Variants in TUBB8B observed in about 807,000 individuals in gnomAD.
TUBB8B encodes HSA18p11 beta-tubulin 4Q pseudogene.
A neutral mutation model predicts 31.9 loss-of-function variants in TUBB8B; 26 were observed. That is an observed-to-expected ratio of 0.81 (90% CI 0.60 to 1.13). The LOEUF is 1.13. Among genes scored for constraint, TUBB8B ranks in the 50% most tolerant of loss-of-function variants. The pLI, the probability that TUBB8B is intolerant of heterozygous loss-of-function variation, is 0.00. For synonymous variants in TUBB8B, 173 were observed against 231.0 expected (o/e 0.75, Z 2.28); for missense variants, 467 against 586.7 (o/e 0.80, Z 2.11).
chr18:64,690 A>G, the TUBB8B span, among the ~76,000 whole-genome samples: 8 of 152,082 alleles, frequency 5.3e-5, no homozygotes, highest in African/African-American at 1.9e-4. Context: ...GCGCCACTGC[A>G]CTCCACCCTG....
the TUBB8B span, among the ~76,000 whole-genome samples, chr18:63,823 C>A: frequency 6.7e-6 from 1 of 148,844 alleles, no homozygotes. Flanking sequence ...CTAACCCTAA[C>A]CCTAACCCCA....
chr18:63,908 CA>C, the TUBB8B span, among the ~76,000 whole-genome samples: 6 of 149,234 alleles, frequency 4.0e-5, no homozygotes, highest in African/African-American at 1.2e-4. Flanking sequence ...CCCCTAACCC[CA>C]AACCCTAACC....
In TUBB8B at chr18:48,820, C is replaced by T. The variant is rs1337421405; in HGVS notation, c.277+120G>A. On this transcript the variant is annotated intron_variant, in intron 3 of 3. Coordinates refer to ENST00000308911, the MANE Select transcript of TUBB8B (RefSeq NM_001358689.2). ...AGGCAGATGAAGCGACTCGACTCGG[C>T]GGATAGGAGGGTGTTCAGGGGCCCT... 50 of 784,422 alleles carry T rather than the reference C, an allele frequency of 6.4e-5. 1 individual carries two copies. Among genetic ancestry groups the T allele is most frequent in the South Asian group, 6.4e-4 (45 of 70,678 alleles). 48.6% of individuals were successfully genotyped at this position (784,422 alleles called of 1,614,324 possible). A position where few individuals can be genotyped will look rare whatever the true frequency, so the allele number is the denominator to read the frequency against.
upstream of TUBB8B, among the ~76,000 whole-genome samples, chr18:52,283 T>C (rs1337922954): frequency 1.3e-5 from 2 of 151,800 alleles, no homozygotes; most frequent in Non-Finnish European, 2.9e-5. Context: ...TCCAGGCTAC[T>C]GCAAAACGGA....
At position 49,585 on chromosome 18, in the gene TUBB8B, G is replaced by A. The variant is rs530572616; in HGVS notation, c.-28C>T. The A allele has an allele frequency of 5.1e-6, 4 of 778,354 alleles. No individual in the cohort carries two copies. The highest frequency in any genetic ancestry group is 1.7e-5 in the African/African-American group (1 of 57,486). The allele number at this position is 778,354 out of a possible 1,614,324, so 48.2% of individuals were successfully genotyped here. On this transcript the variant is annotated 5_prime_UTR_variant, in exon 1 of 4. Transcript: ENST00000308911. ...CCAAGGCAGGATTAGGGCGGCAGCA[G>A]AAGCGCGAGAAGGAGGAGCAGACGC... is the stretch of plus-strand genomic sequence containing the variant.
the TUBB8B span, among the ~76,000 whole-genome samples, chr18:68,263 C>T: frequency 6.6e-6 from 1 of 152,172 alleles, no homozygotes; most frequent in Admixed American, 6.5e-5. Flanking sequence ...TCAGCAGTTA[C>T]AGCAACTCCA....
the TUBB8B span, among the ~76,000 whole-genome samples, chr18:67,455 C>T: frequency 6.6e-6 from 1 of 152,226 alleles, no homozygotes; most frequent in East Asian, 1.9e-4. Context: ...ATCCTCCCAC[C>T]TCAGTCTCTA....
chr18:63,937 C>G, the TUBB8B span, among the ~76,000 whole-genome samples: 1 of 150,406 alleles, frequency 6.6e-6, no homozygotes, highest in Admixed American at 6.6e-5. Flanking sequence ...TAGCCTTAGC[C>G]TTAACCCTTA....
At chr18:55,426 G>T in the TUBB8B span, among the ~76,000 whole-genome samples, 1 of 151,818 alleles carries the variant, frequency 6.6e-6, no homozygotes, top group African/African-American at 2.4e-5. Flanking sequence ...AAGGAAATAG[G>T]TTTAACTGAG....
At chr18:57,059 A>G in the TUBB8B span, among the ~76,000 whole-genome samples, 1 of 151,774 alleles carries the variant, frequency 6.6e-6, no homozygotes, top group Non-Finnish European at 1.5e-5. Flanking sequence ...GACTAGGCCC[A>G]CTTCCAACAT....
At chr18:55,830 G>A in the TUBB8B span, among the ~76,000 whole-genome samples, 14 of 151,788 alleles carry the variant, frequency 9.2e-5, no homozygotes, top group Non-Finnish European at 1.3e-4. Context: ...AAAGCTTTCT[G>A]ACTTGCTGTA....
chr18:63,241 T>C, the TUBB8B span, among the ~76,000 whole-genome samples: 3 of 151,828 alleles, frequency 2.0e-5, no homozygotes, highest in East Asian at 5.8e-4. Flanking sequence ...ATTGTAGTCT[T>C]CACAGTCTGG....
At chr18:59,244 A>G in the TUBB8B span, among the ~76,000 whole-genome samples, 1 of 151,822 alleles carries the variant, frequency 6.6e-6, no homozygotes, top group African/African-American at 2.4e-5. Context: ...TTCTTTTCCA[A>G]TTGGGATGCC....
In TUBB8B at chr18:48,132, T is replaced by C. The variant is rs1357133181; in HGVS notation, c.593A>G (p.Glu198Gly). Reference protein sequence around the residue: ...SVHQLIENADETFCIDNEALY... With the variant: ...SVHQLIENADGTFCIDNEALY... ...CGCTTCGTTATCTATGCAGAAGGTCTCATCCGCGTTTTCTATGAGCTGGTG... is the reference window on the plus strand; with the variant it reads ...CGCTTCGTTATCTATGCAGAAGGTCCCATCCGCGTTTTCTATGAGCTGGTG... The change falls in exon 4 of 4, where the codon GAG becomes GGG. Residue 198 changes from glutamate (E) to glycine (G), a missense_variant. By Grantham distance (98) the Glu-to-Gly change is moderately conservative. Transcript: ENST00000308911. 1 of 1,614,050 alleles carries C rather than the reference T, an allele frequency of 6.2e-7. No homozygotes were observed. The highest frequency in any genetic ancestry group is 1.3e-5 in the African/African-American group (1 of 74,968).
the TUBB8B span, among the ~76,000 whole-genome samples, chr18:55,935 G>A: frequency 6.6e-6 from 1 of 151,606 alleles, no homozygotes; most frequent in Non-Finnish European, 1.5e-5. Context: ...AGTTTCCCCA[G>A]TGTTTTCTTG....
chr18:72,020 T>TA, the TUBB8B span, among the ~76,000 whole-genome samples: 2 of 151,184 alleles, frequency 1.3e-5, no homozygotes, highest in African/African-American at 4.8e-5. Context: ...CTACTAAAAA[T>TA]ACAAAAAAAT....
chr18:69,067 C>T, the TUBB8B span, among the ~76,000 whole-genome samples: 2 of 152,186 alleles, frequency 1.3e-5, no homozygotes, highest in Non-Finnish European at 2.9e-5. Flanking sequence ...GCAAGAATCA[C>T]CCGCAATTTG....
Position 47,306 on chromosome 18 carries a change from T to C in TUBB8B, c.*84A>G. On this transcript the variant is annotated 3_prime_UTR_variant, in exon 4 of 4. Transcript: ENST00000308911. ...CAGCAGGAGATGTGAAGACACAAAT[T>C]AACAAGCGTATAGTGACACATGGCT... 1.7e-6 allele frequency: 1 copy of C among 590,452 alleles called. No homozygotes were observed. Among genetic ancestry groups the C allele is most frequent in the South Asian group, 2.0e-5 (1 of 50,740 alleles). The allele number at this position is 590,452 out of a possible 1,614,324, so 36.6% of individuals were successfully genotyped here.
the TUBB8B span, among the ~76,000 whole-genome samples, chr18:63,162 T>G: frequency 6.6e-6 from 1 of 151,804 alleles, no homozygotes; most frequent in African/African-American, 2.4e-5. Context: ...GGTGAGGTCA[T>G]GTTTTCCTGG....
Sources: gnomAD v4.1 joint callset for allele counts (sites outside exome capture counted in the v4.1 genomes callset) on GRCh38, gnomAD v4.1.1 for gene constraint, MANE v1.5 for transcripts, NCBI Gene and HGNC (gene_info 2026-07-23, HGNC 2026-07-21) for gene names.